The following ASIC2 variants were observed in gnomAD, a reference collection of about 807,000 sequenced individuals.
ASIC2 encodes the protein acid-sensing ion channel 2.
A neutral mutation model predicts 57.3 loss-of-function variants in ASIC2; 25 were observed. That is an observed-to-expected ratio of 0.44 (90% CI 0.32 to 0.61). The LOEUF (loss-of-function observed/expected upper bound fraction) is 0.61, where lower values mean the gene tolerates loss of function less well. ASIC2 is among the 20% of genes least tolerant of loss of function. The probability of loss-of-function intolerance (pLI) is 0.06; values close to 1 mark genes in which losing one functional copy is unlikely to be tolerated. For synonymous variants in ASIC2, 319 were observed against 307.5 expected (o/e 1.04, Z -0.39); for missense variants, 641 against 738.1 (o/e 0.87, Z 1.52).
chr17:33,105,412 G>C (rs1031613218), intron 2 of ASIC2, among the ~76,000 whole-genome samples: 2 of 152,150 alleles, frequency 1.3e-5, no homozygotes, highest in African/African-American at 4.8e-5. Flanking sequence ...TGATTGTGAG[G>C]CCTCTCCAGC....
intron 1 of ASIC2, among the ~76,000 whole-genome samples, chr17:33,499,527 T>A (rs1224186377): frequency 1.3e-5 from 2 of 152,188 alleles, no homozygotes; most frequent in Non-Finnish European, 2.9e-5. Flanking sequence ...AAAATATTGT[T>A]CCTCACAGCC....
chr17:33,418,421 T>C (rs1910934308), intron 1 of ASIC2, among the ~76,000 whole-genome samples: 1 of 152,210 alleles, frequency 6.6e-6, no homozygotes, highest in Non-Finnish European at 1.5e-5. Context: ...GCTTTTGGTG[T>C]TTTAGTCGTG....
intron 1 of ASIC2, among the ~76,000 whole-genome samples, chr17:33,966,063 G>A (rs185855361): frequency 7.2e-5 from 11 of 152,302 alleles, no homozygotes; most frequent in Admixed American, 7.2e-4. Flanking sequence ...CTGTACATGG[G>A]CTATTGTTCA....
intron 1 of ASIC2, among the ~76,000 whole-genome samples, chr17:33,464,540 C>CTTTCTTTCTTTCTTTCTCTT (rs59312185): frequency 2.0e-5 from 1 of 49,364 alleles, no homozygotes; most frequent in African/African-American, 8.0e-5. Context: ...TTCTTTCTTT[C>CTTTCTTTCTTTCTTTCTCTT]TCTTTCTTTC....
intron 1 of ASIC2, among the ~76,000 whole-genome samples, chr17:33,142,377 T>A (rs971367641): frequency 1.3e-5 from 2 of 152,238 alleles, no homozygotes; most frequent in Non-Finnish European, 2.9e-5. Context: ...AGATTCACCA[T>A]GCAGAGGCGA....
At chr17:33,831,943 T>C (rs1395245497) in intron 1 of ASIC2, among the ~76,000 whole-genome samples, 1 of 152,266 alleles carries the variant, frequency 6.6e-6, no homozygotes, top group African/African-American at 2.4e-5. Flanking sequence ...TCCTAGCCTC[T>C]GTTTTGTTGT....
intron 1 of ASIC2, among the ~76,000 whole-genome samples, chr17:33,878,441 C>T (rs907959510): frequency 8.6e-5 from 13 of 152,046 alleles, no homozygotes; most frequent in African/African-American, 2.2e-4. Context: ...AACCATGGCA[C>T]GAGAACTATG....
intron 1 of ASIC2, among the ~76,000 whole-genome samples, chr17:33,863,238 C>T (rs1914141569): frequency 6.6e-6 from 1 of 152,224 alleles, no homozygotes; most frequent in Admixed American, 6.5e-5. Flanking sequence ...CTGAGAAGCC[C>T]TGATGGAGAG....
intron 3 of ASIC2, among the ~76,000 whole-genome samples, chr17:33,030,132 T>C (rs774898042): frequency 2.5e-4 from 38 of 152,218 alleles, no homozygotes; most frequent in Middle Eastern, 3.2e-3. Context: ...CTTCAGAAGA[T>C]ATAATTTATA....
intron 1 of ASIC2, among the ~76,000 whole-genome samples, chr17:33,374,752 C>T (rs1310438319): frequency 6.6e-6 from 1 of 152,140 alleles, no homozygotes; most frequent in African/African-American, 2.4e-5. Context: ...GGGTTCTTGC[C>T]TCAATGTTTC....
In ASIC2 at chr17:34,035,252, A is replaced by C. The variant is rs1193248480; in HGVS notation, c.555+120726T>G. On this transcript the variant is annotated intron_variant, in intron 1 of 9. Transcript: ENST00000359872. ...TTTGACAAACCTGACAGAAACAAGC[A>C]ATGGGGAAAGGATTCCCTATTTAAT... 1.0e-4 allele frequency among the ~76,000 whole-genome samples: 15 copies of C among 145,498 alleles called. No individual in the cohort carries two copies. In the South Asian group the frequency reaches 3.3e-3, roughly 32 times the overall value.
In ASIC2 at chr17:34,149,102, TTTTTTTCTTTTC is replaced by T. The variant is rs1904411595; in HGVS notation, c.555+6864_555+6875del. Among the ~76,000 whole-genome samples, 4 of 131,738 alleles carry T rather than the reference TTTTTTTCTTTTC, an allele frequency of 3.0e-5. No individual in the cohort carries two copies. In the South Asian group the frequency reaches 7.2e-4, roughly 24 times the overall value. The allele number at this position is 131,738 out of a possible 152,430, so 86.4% of individuals were successfully genotyped here. A position where few individuals can be genotyped will look rare whatever the true frequency, so the allele number is the denominator to read the frequency against. On this transcript the variant is annotated intron_variant, in intron 1 of 9. Transcript: ENST00000359872. Reference sequence around the variant, plus strand: ...TTTTCTTTCTTTTTTTCTTTTTTCTTTTTTTTCTTTTCTTTTTTTTTTGAGACAGTGTCTCGC... The same window carrying T: ...TTTTCTTTCTTTTTTTCTTTTTTCTTTTTTTTTTTTGAGACAGTGTCTCGC...
In ASIC2 at chr17:33,730,606, G is replaced by C. The variant is rs12051856; in HGVS notation, c.555+425372C>G. On this transcript the variant is annotated intron_variant, in intron 1 of 9. Transcript: ENST00000359872. ...GTGCTTGATGGGGCTGGAAAAATGA[G>C]CTCTTCTAGATGTTTGAAATAGTTC... Among the ~76,000 whole-genome samples, 184 of 152,296 alleles carry C rather than the reference G, an allele frequency of 1.2e-3. 1 individual carries two copies. The East Asian group carries it at 0.032, about 27-fold the overall frequency.
intron 2 of ASIC2, among the ~76,000 whole-genome samples, chr17:33,095,228 C>T (rs1430791883): frequency 1.3e-5 from 2 of 152,166 alleles, no homozygotes; most frequent in Non-Finnish European, 2.9e-5. Context: ...TTCCTCTTTG[C>T]TCATGCTAGT....
At chr17:33,501,199 C>T (rs184859474) in intron 1 of ASIC2, among the ~76,000 whole-genome samples, 20 of 152,292 alleles carry the variant, frequency 1.3e-4, no homozygotes, top group African/African-American at 4.3e-4. Context: ...CACGTGATGC[C>T]GGCTAAATAA....
intron 1 of ASIC2, among the ~76,000 whole-genome samples, chr17:34,028,863 G>C (rs530474389): frequency 1.1e-4 from 16 of 152,228 alleles, no homozygotes; most frequent in Admixed American, 9.8e-4. Context: ...TCTCCTACCA[G>C]TCCCCCCATC....
intron 2 of ASIC2, among the ~76,000 whole-genome samples, chr17:33,105,349 T>C (rs2092230809): frequency 6.6e-6 from 1 of 152,212 alleles, no homozygotes; most frequent in Non-Finnish European, 1.5e-5. Context: ...GCACACACTC[T>C]CTTGCCTGCT....
intron 1 of ASIC2, among the ~76,000 whole-genome samples, chr17:33,840,799 CCA>C (rs10525634): frequency 7.3e-4 from 107 of 147,148 alleles, no homozygotes; most frequent in Non-Finnish European, 8.9e-4. Context: ...CCTGGACACA[CCA>C]CACACACACA....
At chr17:34,083,798 G>T (rs1329344112) in intron 1 of ASIC2, among the ~76,000 whole-genome samples, 1 of 152,122 alleles carries the variant, frequency 6.6e-6, no homozygotes, top group African/African-American at 2.4e-5. Flanking sequence ...TTTCATGTGT[G>T]TTTTGGCTGC....
Sources: gnomAD v4.1 joint callset for allele counts (sites outside exome capture counted in the v4.1 genomes callset) on GRCh38, gnomAD v4.1.1 for gene constraint, MANE v1.5 for transcripts, NCBI Gene and HGNC (gene_info 2026-07-23, HGNC 2026-07-21) for gene names.